The following ZCCHC17 variants were observed in gnomAD, a reference collection of about 807,000 sequenced individuals.
ZCCHC17 encodes zinc finger CCHC-type containing 17, also known as zinc finger CCHC domain-containing protein 17.
In ZCCHC17, 18 loss-of-function variants were observed where a neutral mutation model predicts 30.6. The ratio of observed to expected loss-of-function variants is 0.59; its 90% CI spans 0.41 to 0.87. The LOEUF (loss-of-function observed/expected upper bound fraction) is 0.87, where lower values mean the gene tolerates loss of function less well. Ranked by LOEUF, ZCCHC17 falls within the 40% of genes least tolerant of loss-of-function variation. The pLI, the probability that ZCCHC17 is intolerant of heterozygous loss-of-function variation, is 0.00. For missense variants in ZCCHC17, 263 were observed against 284.2 expected (o/e 0.93, Z 0.54); for synonymous variants, 88 against 92.4 (o/e 0.95, Z 0.27).
chr1:31,314,020 C>T (rs750524619), intron 2 of ZCCHC17, among the ~76,000 whole-genome samples: 16 of 152,102 alleles, frequency 1.1e-4, no homozygotes, highest in Non-Finnish European at 2.2e-4. Context: ...TCAGCCACCA[C>T]GCCCGGCTAA....
chr1:31,332,030 A>G (rs139516194), intron 3 of ZCCHC17, among the ~76,000 whole-genome samples: 431 of 152,320 alleles, frequency 2.8e-3, no homozygotes, highest in African/African-American at 9.5e-3. Context: ...CTGATCACTA[A>G]TGATCACTAA....
At chr1:31,356,731 C>T (rs1222472279) in intron 7 of ZCCHC17, among the ~76,000 whole-genome samples, 2 of 152,206 alleles carry the variant, frequency 1.3e-5, no homozygotes, top group Non-Finnish European at 2.9e-5. Context: ...TTCATTAAAA[C>T]ATACATGTAT....
chr1:31,302,444 G>T (rs1366012006), intron 1 of ZCCHC17, among the ~76,000 whole-genome samples: 2 of 152,060 alleles, frequency 1.3e-5, no homozygotes, highest in Non-Finnish European at 2.9e-5. Context: ...AATGAGAAAT[G>T]GTCCTTGGTT....
chr1:31,297,571 T>C (rs116682200), intron 1 of ZCCHC17, among the ~76,000 whole-genome samples: 35 of 152,316 alleles, frequency 2.3e-4, no homozygotes, highest in African/African-American at 5.3e-4. Context: ...CCTGCTGATA[T>C]TCATTTAGCA....
At chr1:31,315,938 ATAT>A (rs948398416) in intron 2 of ZCCHC17, among the ~76,000 whole-genome samples, 2 of 152,234 alleles carry the variant, frequency 1.3e-5, no homozygotes, top group Non-Finnish European at 2.9e-5. Context: ...ATTCTGGAGC[ATAT>A]TAACCTTTCC....
chr1:31,354,292 A>C (rs538063332), intron 7 of ZCCHC17, among the ~76,000 whole-genome samples: 2 of 152,278 alleles, frequency 1.3e-5, no homozygotes, highest in South Asian at 4.1e-4. Flanking sequence ...TGTATTCTGC[A>C]ACTTTGCTAA....
intron 1 of ZCCHC17, among the ~76,000 whole-genome samples, chr1:31,307,420 T>C (rs1008198320): frequency 6.6e-6 from 1 of 151,992 alleles, no homozygotes; most frequent in Non-Finnish European, 1.5e-5. Flanking sequence ...GACTTTTTTT[T>C]TTTTTTTGAG....
intron 1 of ZCCHC17, chr1:31,297,359 G>A (rs575006600): frequency 2.9e-4 from 116 of 395,368 alleles, no homozygotes; most frequent in African/African-American, 2.0e-3. Flanking sequence ...AAAGGCCTGC[G>A]TCCCAGCCTC....
Position 31,346,688 on chromosome 1 carries a change from G to C in ZCCHC17, c.366G>C (p.Lys122Asn), listed in dbSNP as rs1414353467. 6.2e-7 allele frequency: 1 copy of C among 1,614,104 alleles called. No individual in the cohort carries two copies. The highest frequency in any genetic ancestry group is 1.1e-5 in the South Asian group (1 of 91,066). The change falls in exon 6 of 8, where the codon AAG becomes AAC. Residue 122 changes from lysine (K) to asparagine (N), a missense_variant. Physicochemically the swap from Lys to Asn is moderately conservative, Grantham distance 94. Coordinates refer to ENST00000344147, the MANE Select transcript of ZCCHC17 (RefSeq NM_016505.4). ...RRSFQDYTGQ[K>N]ITLEAVLNTT... ...CCTTCCAGGATTACACTGGGCAGAA[G>C]ATCACCCTTGAGGCTGTCTTGAACA...
chr1:31,308,489 T>G (rs2148412441), intron 1 of ZCCHC17, among the ~76,000 whole-genome samples: 1 of 152,174 alleles, frequency 6.6e-6, no homozygotes, highest in South Asian at 2.1e-4. Flanking sequence ...AAGGAAGCAG[T>G]GGGGGTTGAG....
Position 31,310,092 on chromosome 1 carries a change from A to T in ZCCHC17, c.-7A>T, listed in dbSNP as rs1646561784. The T allele has an allele frequency of 6.2e-7, 1 of 1,613,990 alleles. No homozygotes were observed. The highest frequency in any genetic ancestry group is 8.5e-7 in the Non-Finnish European group (1 of 1,179,944). On this transcript the variant is annotated 5_prime_UTR_variant, in exon 2 of 8. Transcript: ENST00000344147. ...AAGAGAAATGGAGGAGCCATAGAAT[A>T]TTAAGGATGAATTCAGGAAGGCCTG...
At chr1:31,306,706 C>T (rs1045639503) in intron 1 of ZCCHC17, among the ~76,000 whole-genome samples, 3 of 151,952 alleles carry the variant, frequency 2.0e-5, no homozygotes, top group Admixed American at 6.6e-5. Flanking sequence ...CTCACTGTGT[C>T]GCCCAGGCTG....
chr1:31,322,798 C>T (rs554002508), intron 3 of ZCCHC17, among the ~76,000 whole-genome samples: 8 of 151,930 alleles, frequency 5.3e-5, no homozygotes, highest in Admixed American at 3.3e-4. Flanking sequence ...ATCAGCTCAC[C>T]GCAACCTCTG....
chr1:31,307,950 G>GAA (rs1646507500), intron 1 of ZCCHC17, among the ~76,000 whole-genome samples: 1 of 152,180 alleles, frequency 6.6e-6, no homozygotes, highest in Non-Finnish European at 1.5e-5. Flanking sequence ...AGCTGCTGGT[G>GAA]CCCCTATGGA....
chr1:31,361,866 C>T (rs1639914040), intron 7 of ZCCHC17, among the ~76,000 whole-genome samples: 1 of 151,910 alleles, frequency 6.6e-6, no homozygotes, highest in Admixed American at 6.6e-5. Context: ...GCCTGGAGTG[C>T]AGTGGCAGGA....
chr1:31,312,145 A>G (rs1470800226), intron 2 of ZCCHC17, among the ~76,000 whole-genome samples: 3 of 152,218 alleles, frequency 2.0e-5, no homozygotes, highest in Non-Finnish European at 2.9e-5. Context: ...CAGCACCAAC[A>G]GACTAAGACA....
intron 6 of ZCCHC17, among the ~76,000 whole-genome samples, chr1:31,347,872 A>T (rs1420517796): frequency 6.6e-6 from 1 of 152,124 alleles, no homozygotes; most frequent in Non-Finnish European, 1.5e-5. Flanking sequence ...CTCCCAAAGT[A>T]CTGAGATTAT....
chr1:31,339,689 G>GAA (rs1638960747), intron 5 of ZCCHC17, among the ~76,000 whole-genome samples: 1 of 151,996 alleles, frequency 6.6e-6, no homozygotes. Flanking sequence ...CATTCATGAA[G>GAA]AACTATTCTT....
In ZCCHC17 at chr1:31,318,313, C is replaced by T. The variant is rs1048434621; in HGVS notation, c.67-796C>T. ...CAGCATATAGTGACAACATTACCCT[C>T]GATCCACAGGTTGGGGGATGGGGTA... On this transcript the variant is annotated intron_variant, in intron 2 of 7. Transcript: ENST00000344147. 1.8e-5 allele frequency: 22 copies of T among 1,240,858 alleles called. No individual in the cohort carries two copies. In the South Asian group the frequency reaches 2.1e-4, roughly 12 times the overall value. 76.9% of individuals were successfully genotyped at this position (1,240,858 alleles called of 1,614,324 possible).
Sources: gnomAD v4.1 joint callset for allele counts (sites outside exome capture counted in the v4.1 genomes callset) on GRCh38, gnomAD v4.1.1 for gene constraint, MANE v1.5 for transcripts, NCBI Gene and HGNC (gene_info 2026-07-23, HGNC 2026-07-21) for gene names.